The following PPP2R1B variants were observed in gnomAD, a reference collection of about 807,000 sequenced individuals.
PPP2R1B encodes serine/threonine-protein phosphatase 2A 65 kDa regulatory subunit A beta isoform.
PPP2R1B carries 58 observed loss-of-function variants against 72.7 expected under a neutral mutation model. The ratio of observed to expected loss-of-function variants is 0.80; its 90% confidence interval spans 0.65 to 0.99. The LOEUF is 0.99. Among genes scored for constraint, PPP2R1B ranks in the 50% least tolerant of loss-of-function variants. The probability of loss-of-function intolerance (pLI) is 0.00; values close to 1 mark genes in which losing one functional copy is unlikely to be tolerated. For synonymous variants in PPP2R1B, 256 were observed against 264.6 expected (o/e 0.97, Z 0.32); for missense variants, 695 against 733.6 (o/e 0.95, Z 0.61).
chr11:111,709,946 C>T, the PPP2R1B span, among the ~76,000 whole-genome samples: 2 of 152,304 alleles, frequency 1.3e-5, no homozygotes, highest in African/African-American at 4.8e-5. Flanking sequence ...GAGTCAGGGA[C>T]GGAGCAGTGT....
At position 111,747,156 on chromosome 11, in the gene PPP2R1B, G is replaced by A. The variant is rs182593360; in HGVS notation, c.1399+798C>T. 2.6e-5 allele frequency among the ~76,000 whole-genome samples: 4 copies of A among 152,266 alleles called. No individual in the cohort carries two copies. In the East Asian group the frequency reaches 7.7e-4, roughly 29 times the overall value. ...CCAAAACATGGAAACAAAGCTCAAG[G>A]ACAATGTCACATGACCCCATAGGGG... On this transcript the variant is annotated intron_variant, in intron 11 of 14. Coordinates refer to ENST00000527614, the MANE Select transcript of PPP2R1B (RefSeq NM_002716.5).
the PPP2R1B span, among the ~76,000 whole-genome samples, chr11:111,717,510 C>A: frequency 6.6e-6 from 1 of 152,056 alleles, no homozygotes; most frequent in Non-Finnish European, 1.5e-5. Flanking sequence ...TAAATTAGTT[C>A]AACCATTGTG....
chr11:111,763,665 T>C (rs1358564350), intron 3 of PPP2R1B, among the ~76,000 whole-genome samples: 1 of 152,208 alleles, frequency 6.6e-6, no homozygotes, highest in Non-Finnish European at 1.5e-5. Flanking sequence ...CAAGAATACA[T>C]TCTAGGTTTT....
chr11:111,706,656 C>T, the PPP2R1B span, among the ~76,000 whole-genome samples: 2 of 152,044 alleles, frequency 1.3e-5, no homozygotes, highest in Admixed American at 6.6e-5. Flanking sequence ...GTTATACGTA[C>T]TTTATATATA....
chr11:111,699,877 A>C, the PPP2R1B span, among the ~76,000 whole-genome samples: 1 of 152,194 alleles, frequency 6.6e-6, no homozygotes, highest in Admixed American at 6.5e-5. Flanking sequence ...CTGGCAGTAG[A>C]GACTTGATCC....
At chr11:111,746,609 C>T (rs1387081897) in intron 11 of PPP2R1B, among the ~76,000 whole-genome samples, 2 of 152,128 alleles carry the variant, frequency 1.3e-5, no homozygotes, top group African/African-American at 4.8e-5. Context: ...AACAAACTTG[C>T]ATGTTCTATG....
At position 111,753,324 on chromosome 11, in the gene PPP2R1B, TAA is replaced by T. The variant is rs1591696890; in HGVS notation, c.1164+117_1164+118del. 3.0e-6 allele frequency: 4 copies of T among 1,352,842 alleles called. No homozygotes were observed. The East Asian group carries it at 7.4e-5, about 25-fold the overall frequency. 83.8% of individuals were successfully genotyped at this position (1,352,842 alleles called of 1,614,324 possible). A position where few individuals can be genotyped will look rare whatever the true frequency, so the allele number is the denominator to read the frequency against. The stretch of plus-strand genomic sequence containing the variant: ...AATCACAGGTGTCATTGGTTTAAAA[TAA>T]GTTATGATTTTTTTATCCATTTTCT... On this transcript the variant is annotated intron_variant, in intron 9 of 14. Transcript: ENST00000527614.
In PPP2R1B at chr11:111,739,962, G is replaced by A. The variant is rs1254738908; in HGVS notation, c.*1634C>T. 1 of 979,570 alleles carries A rather than the reference G, an allele frequency of 1.0e-6. No individual in the cohort carries two copies. The highest frequency in any genetic ancestry group is 1.8e-5 in the African/African-American group (1 of 57,080). 60.7% of individuals were successfully genotyped at this position (979,570 alleles called of 1,614,324 possible). A position where few individuals can be genotyped will look rare whatever the true frequency, so the allele number is the denominator to read the frequency against. On this transcript the variant is annotated 3_prime_UTR_variant, in exon 15 of 15. Transcript: ENST00000527614. ...GATTTACAATTTCTATTTTTCGAAT[G>A]TAGGACAAATTTTAAAGTATTTAGT...
At chr11:111,742,713 C>T in intron 12 of PPP2R1B, 48 bp from the exon 13 acceptor site, 1 of 1,469,902 alleles carries the variant, frequency 6.8e-7, no homozygotes, top group Non-Finnish European at 9.1e-7. Context: ...TAAAAAATTC[C>T]AAAATCTAAT....
At chr11:111,751,810 T>C (rs1555048007) in intron 10 of PPP2R1B, among the ~76,000 whole-genome samples, 2 of 152,190 alleles carry the variant, frequency 1.3e-5, no homozygotes, top group Admixed American at 1.3e-4. Flanking sequence ...AAACCCCATC[T>C]CTATTAAAAA....
Position 111,739,883 on chromosome 11 carries a change from TAGAAACTTACTATA to T in PPP2R1B, c.*1699_*1712del. 1 of 980,794 alleles carries T rather than the reference TAGAAACTTACTATA, an allele frequency of 1.0e-6. No homozygotes were observed. The highest frequency in any genetic ancestry group is 1.2e-6 in the Non-Finnish European group (1 of 825,734). The allele number at this position is 980,794 out of a possible 1,614,324, so 60.8% of individuals were successfully genotyped here. Reference sequence around the variant, plus strand: ...TAATTCTTGGCCCAAAGTCATAAAATAGAAACTTACTATAAGGTAATTTGGCAGTTTAAAATGCA... The same window carrying T: ...TAATTCTTGGCCCAAAGTCATAAAATAGGTAATTTGGCAGTTTAAAATGCA... On this transcript the variant is annotated 3_prime_UTR_variant, in exon 15 of 15. Transcript: ENST00000527614.
chr11:111,762,493 T>C (rs1591713064), intron 3 of PPP2R1B, among the ~76,000 whole-genome samples: 1 of 151,676 alleles, frequency 6.6e-6, no homozygotes, highest in South Asian at 2.1e-4. Context: ...ATTTGAACTC[T>C]GCCTGGCCCT....
At chr11:111,755,870 T>C (rs564661533) in intron 5 of PPP2R1B, among the ~76,000 whole-genome samples, 447 of 152,176 alleles carry the variant, frequency 2.9e-3, no homozygotes, top group African/African-American at 0.01. Flanking sequence ...GTGCTGGGAT[T>C]ACAAGCGCGA....
At chr11:111,757,606 C>T (rs1192812919) in intron 5 of PPP2R1B, among the ~76,000 whole-genome samples, 7 of 151,894 alleles carry the variant, frequency 4.6e-5, no homozygotes, top group African/African-American at 1.2e-4. Flanking sequence ...GAGGCCAAGG[C>T]GGACAGATCA....
At chr11:111,712,326 G>A in the PPP2R1B span, 3 of 1,614,218 alleles carry the variant, frequency 1.9e-6, no homozygotes, top group South Asian at 1.1e-5. Flanking sequence ...GCATCTGGCT[G>A]TCAGGCGGAA....
At chr11:111,736,307 A>G (rs551530263), downstream of PPP2R1B, among the ~76,000 whole-genome samples, 2 of 152,152 alleles carry the variant, frequency 1.3e-5, no homozygotes, top group Non-Finnish European at 2.9e-5. Flanking sequence ...GGCCGCCTCA[A>G]TGATCCACAC....
In PPP2R1B at chr11:111,738,653, G is replaced by A; in HGVS notation, c.*2943C>T. 2.0e-6 allele frequency: 2 copies of A among 985,376 alleles called. No homozygotes were observed. The highest frequency in any genetic ancestry group is 2.4e-6 in the Non-Finnish European group (2 of 829,936). The allele number at this position is 985,376 out of a possible 1,614,324, so 61.0% of individuals were successfully genotyped here. On this transcript the variant is annotated 3_prime_UTR_variant, in exon 15 of 15. Coordinates refer to ENST00000527614, the MANE Select transcript of PPP2R1B (RefSeq NM_002716.5). ...AGCTGTGGTATTTCTGTGAGCTGAG[G>A]GCAGCCCGTTATTTCAACAAGACCT...
downstream of PPP2R1B, among the ~76,000 whole-genome samples, chr11:111,722,330 C>T (rs1232800954): frequency 6.6e-6 from 1 of 152,202 alleles, no homozygotes; most frequent in Non-Finnish European, 1.5e-5. This position sits in a 1 kb window ranked among gnomAD's most constrained non-coding sequence, Gnocchi z 4.4. Flanking sequence ...GCATAGATCC[C>T]GTAAAGGATG....
At chr11:111,752,382 G>A in intron 9 of PPP2R1B, 50 bp from the exon 10 acceptor site, 1 of 1,511,278 alleles carries the variant, frequency 6.6e-7, no homozygotes, top group Non-Finnish European at 8.9e-7. Flanking sequence ...CAAGTACTCT[G>A]CCCAACAGTC....
Sources: gnomAD v4.1 joint callset for allele counts (sites outside exome capture counted in the v4.1 genomes callset) on GRCh38, gnomAD v4.1.1 for gene constraint, Gnocchi (gnomAD v3.1) non-coding constraint, MANE v1.5 for transcripts, NCBI Gene and HGNC (gene_info 2026-07-23, HGNC 2026-07-21) for gene names.